Variants in BROX observed in about 807,000 individuals in gnomAD.
The protein encoded by BROX is BRO1 domain-containing protein BROX.
BROX carries 53 observed loss-of-function variants against 61.0 expected under a neutral mutation model. That is an observed-to-expected ratio of 0.87 (90% confidence interval 0.70 to 1.09). The LOEUF (loss-of-function observed/expected upper bound fraction) is 1.09. Ranked by LOEUF, BROX falls within the 50% of genes least tolerant of loss-of-function variation. The pLI, the probability that BROX is intolerant of heterozygous loss-of-function variation, is 0.00. For synonymous variants in BROX, 152 were observed against 160.2 expected, an observed-to-expected ratio of 0.95 and a Z score of 0.38; for missense variants, 489 against 472.0, an observed-to-expected ratio of 1.04 and a Z score of -0.33.
At chr1:222,714,639 G>A (rs1656428141) in intron 1 of BROX, among the ~76,000 whole-genome samples, 1 of 151,298 alleles carries the variant, frequency 6.6e-6, no homozygotes, top group Non-Finnish European at 1.5e-5. Context: ...GCCCAGGCTG[G>A]AGTGCCATGG....
At chr1:222,724,408 C>G (rs1434017947) in intron 6 of BROX, among the ~76,000 whole-genome samples, 1 of 152,156 alleles carries the variant, frequency 6.6e-6, no homozygotes, top group Non-Finnish European at 1.5e-5. Context: ...TTTTAGTGCT[C>G]TGCTTATTTT....
intron 2 of BROX, among the ~76,000 whole-genome samples, chr1:222,716,102 TA>T (rs1237506946): frequency 6.6e-6 from 1 of 152,116 alleles, no homozygotes; most frequent in Non-Finnish European, 1.5e-5. Flanking sequence ...TTTTTATTTT[TA>T]TTTTTATTTT....
rs1037040429 is a variant in BROX, at chr1:222,729,589, G to A, written c.757-31G>A. 3.9e-6 allele frequency: 6 copies of A among 1,553,344 alleles called. No homozygotes were observed. The Admixed American group carries it at 6.7e-5, about 17-fold the overall frequency. On this transcript the variant is annotated intron_variant, in intron 9 of 12. Coordinates refer to ENST00000340934, the MANE Select transcript of BROX (RefSeq NM_144695.4). ...TAGGGGAAAGCATCTTGAAGGGAGA[G>A]AATGAATAAAAAATTTGTTTATTTC...
At chr1:222,724,727 A>T (rs553117167) in intron 6 of BROX, among the ~76,000 whole-genome samples, 3 of 152,160 alleles carry the variant, frequency 2.0e-5, no homozygotes, top group African/African-American at 7.2e-5. Flanking sequence ...GATTTTTTTC[A>T]TATTAAAATA....
chr1:222,713,014 A>T (rs1300881296), intron 1 of BROX, 72 bp downstream of exon 1: 18 of 1,166,428 alleles, frequency 1.5e-5, no homozygotes, highest in Non-Finnish European at 1.8e-5. Context: ...AAGCAATAGG[A>T]TCACCCCCTT....
In BROX at chr1:222,712,906, C is replaced by A. The variant is rs1176828667; in HGVS notation, c.-53C>A. The stretch of plus-strand genomic sequence containing the variant: ...GGACTCCGATATATTGCCCTTCTTC[C>A]CTTAGAAGAACTGCTGAACCGACTC... On this transcript the variant is annotated 5_prime_UTR_variant, in exon 1 of 13. Transcript: ENST00000340934. 1 of 1,222,208 alleles carries A rather than the reference C, an allele frequency of 8.2e-7. No homozygotes were observed. Among genetic ancestry groups the A allele is most frequent in the Non-Finnish European group, 1.1e-6 (1 of 951,232 alleles). 75.7% of individuals were successfully genotyped at this position (1,222,208 alleles called of 1,614,324 possible). A position where few individuals can be genotyped will look rare whatever the true frequency, so the allele number is the denominator to read the frequency against.
chr1:222,728,928 C>T (rs1657727145), intron 9 of BROX, 100 bp downstream of exon 9: 1 of 763,450 alleles, frequency 1.3e-6, no homozygotes, highest in Non-Finnish European at 2.0e-6. Flanking sequence ...TAGCATTTTA[C>T]AAATAATGGA....
intron 4 of BROX, among the ~76,000 whole-genome samples, chr1:222,721,580 T>A (rs988807822): frequency 6.6e-6 from 1 of 152,126 alleles, no homozygotes; most frequent in African/African-American, 2.4e-5. Flanking sequence ...GTGTAAAAAA[T>A]TTTCAGGTTC....
chr1:222,714,405 A>T (rs1656382535), intron 1 of BROX, among the ~76,000 whole-genome samples: 2 of 150,674 alleles, frequency 1.3e-5, no homozygotes, highest in South Asian at 4.2e-4. Context: ...TCACCGTGTT[A>T]GCCAGGATGG....
At chr1:222,714,585 T>G (rs75937448) in intron 1 of BROX, among the ~76,000 whole-genome samples, 7,819 of 151,094 alleles carry the variant, frequency 0.052, 286 homozygotes, top group East Asian at 0.12. Context: ...GTTTTTTGTT[T>G]TTTTTTTCCT....
At chr1:222,725,380 C>A in intron 6 of BROX, 70 bp from the exon 7 acceptor site, 1 of 1,032,488 alleles carries the variant, frequency 9.7e-7, no homozygotes, top group Non-Finnish European at 1.4e-6. Flanking sequence ...TCATTTTCTT[C>A]ATCTCTAACA....
Position 222,731,346 on chromosome 1 carries a change from A to T in BROX, c.990-11A>T. The T allele has an allele frequency of 6.4e-7, 1 of 1,556,694 alleles. No individual in the cohort carries two copies. Reference sequence around the variant, plus strand: ...AAATGAATGAATTGCTATTTAAATTATTTTTTGCAGTTACTTTCAAAAAAT... The same window carrying T: ...AAATGAATGAATTGCTATTTAAATTTTTTTTTGCAGTTACTTTCAAAAAAT... On this transcript the variant is annotated splice_polypyrimidine_tract_variant and intron_variant, in intron 11 of 12. Coordinates refer to ENST00000340934, the MANE Select transcript of BROX (RefSeq NM_144695.4).
intron 9 of BROX, among the ~76,000 whole-genome samples, 180 bp downstream of exon 9, chr1:222,729,008 A>G (rs1184042767): frequency 6.6e-6 from 1 of 152,158 alleles, no homozygotes; most frequent in Non-Finnish European, 1.5e-5. Context: ...GTGGAAAGAG[A>G]TGATGTAGGA....
At chr1:222,719,106 A>G (rs138642708) in intron 3 of BROX, 75 bp downstream of exon 3, 7 of 1,401,712 alleles carry the variant, frequency 5.0e-6, no homozygotes, top group African/African-American at 1.4e-5. Context: ...TGACTTTTCA[A>G]ATTTGATTAG....
At chr1:222,726,097 C>A (rs1478690678) in intron 7 of BROX, among the ~76,000 whole-genome samples, 1 of 152,142 alleles carries the variant, frequency 6.6e-6, no homozygotes, top group East Asian at 1.9e-4. Flanking sequence ...TCTGATAGTA[C>A]AACATTAATT....
chr1:222,734,625 C>T lies in BROX; in HGVS notation c.*1911C>T, dbSNP rs1658168543. The T allele has an allele frequency of 6.6e-6, 1 of 152,074 alleles. No homozygotes were observed. The highest frequency in any genetic ancestry group is 1.5e-5 in the Non-Finnish European group (1 of 67,990). 9.4% of individuals were successfully genotyped at this position (152,074 alleles called of 1,614,324 possible). A position where few individuals can be genotyped will look rare whatever the true frequency, so the allele number is the denominator to read the frequency against. On this transcript the variant is annotated 3_prime_UTR_variant, in exon 13 of 13. Transcript: ENST00000340934. ...TTTATTTCAATATCTATGGAAAAAA[C>T]ACTTATTAAATCTCCCTGTATTTTA... is the stretch of plus-strand genomic sequence containing the variant.
chr1:222,731,233 A>G (rs891342967), intron 11 of BROX, 124 bp from the exon 12 acceptor site: 8 of 790,574 alleles, frequency 1.0e-5, no homozygotes, highest in African/African-American at 1.8e-5. Context: ...TCACTTTCCT[A>G]CATAAGGCAG....
Position 222,730,276 on chromosome 1 carries a change from A to G in BROX, c.989+99A>G, listed in dbSNP as rs1028020203. The G allele has an allele frequency of 5.3e-5, 48 of 912,818 alleles. 1 individual carries two copies. The highest frequency in any genetic ancestry group is 6.7e-5 in the Non-Finnish European group (45 of 674,680). The allele number at this position is 912,818 out of a possible 1,614,324, so 56.5% of individuals were successfully genotyped here. ...AGTAATATCATTTCTGTTAGTCTCT[A>G]TTCCCAAAAGTTTTATGTTGAATAG... On this transcript the variant is annotated intron_variant, in intron 11 of 12. Coordinates refer to ENST00000340934, the MANE Select transcript of BROX (RefSeq NM_144695.4).
At chr1:222,725,151 G>A (rs1385666576) in intron 6 of BROX, among the ~76,000 whole-genome samples, 1 of 152,046 alleles carries the variant, frequency 6.6e-6, no homozygotes, top group Admixed American at 6.6e-5. Context: ...AGGAATTTTG[G>A]TTACTATTTC....
Sources: allele counts gnomAD v4.1 joint callset (sites outside exome capture counted in the v4.1 genomes callset), GRCh38; gene constraint gnomAD v4.1.1; transcripts MANE v1.5; gene names NCBI Gene and HGNC (gene_info 2026-07-23, HGNC 2026-07-21).